Variants in MAST4 observed in about 807,000 individuals in gnomAD.
MAST4 encodes the protein microtubule-associated serine/threonine-protein kinase 4.
Under a neutral mutation model 162.7 loss-of-function variants are expected in MAST4, and 89 were observed. That is an observed-to-expected ratio of 0.55 (90% CI 0.46 to 0.65). The LOEUF (loss-of-function observed/expected upper bound fraction) is 0.65, where lower values mean the gene tolerates loss of function less well. MAST4 is among the 30% of genes least tolerant of loss of function. The probability of loss-of-function intolerance (pLI) is 0.00; values close to 1 mark genes in which losing one functional copy is unlikely to be tolerated. For synonymous variants in MAST4, 1,479 were observed against 1,361.1 expected, an observed-to-expected ratio of 1.09 and a Z score of -1.91; for missense variants, 3,153 against 3,374.0, an observed-to-expected ratio of 0.93 and a Z score of 1.62.
intron 4 of MAST4, 31 bp from the exon 5 acceptor site, chr5:67,054,373 T>C: frequency 1.3e-6 from 2 of 1,557,964 alleles, no homozygotes; most frequent in Non-Finnish European, 1.7e-6. Context: ...TATATTCTTT[T>C]TAAACTTTGT....
chr5:67,160,413 C>T (rs1773051711), intron 26 of MAST4, 43 bp from the exon 27 acceptor site: 1 of 1,577,896 alleles, frequency 6.3e-7, no homozygotes, highest in Non-Finnish European at 8.6e-7. Flanking sequence ...GATCTTGCTT[C>T]ATCACAGCAT....
In MAST4 at chr5:66,614,636, A is replaced by C. The variant is rs192599550; in HGVS notation, c.363+17618A>C. 2.0e-5 allele frequency among the ~76,000 whole-genome samples: 3 copies of C among 152,236 alleles called. No individual in the cohort carries two copies. In the East Asian group the frequency reaches 5.8e-4, roughly 29 times the overall value. ...AGAGAAGACCATTTAAGGGACTTTC[A>C]ATTTTCTCCTTCCCTGGAGAGTAAG... On this transcript the variant is annotated intron_variant, in intron 1 of 28. Transcript: ENST00000403625.
rs1485050017 is a variant in MAST4, at chr5:67,165,992, C to G, written c.6813C>G (p.Pro2271=). The change falls in exon 29 of 29, where the codon CCC becomes CCG. Residue 2271 remains proline, a synonymous_variant. Coordinates refer to ENST00000403625, the MANE Select transcript of MAST4 (RefSeq NM_001164664.2). ...GGATTGGCCAGGGAGAAGGTGGGCC[C>G]TCTGTCCCACTGCACACTGACAGGG... ...SDGIGQGEGG[P]SVPLHTDRAP... is the part of the protein sequence containing the mutation. The G allele has an allele frequency of 6.2e-7, 1 of 1,613,620 alleles. No individual in the cohort carries two copies. The highest frequency in any genetic ancestry group is 8.5e-7 in the Non-Finnish European group (1 of 1,179,864).
intron 4 of MAST4, among the ~76,000 whole-genome samples, chr5:66,965,225 C>CTTTTTTTT (rs1187971815): frequency 5.9e-5 from 5 of 84,898 alleles, no homozygotes; most frequent in Non-Finnish European, 9.4e-5. Context: ...TTTTTTTTTG[C>CTTTTTTTT]TTTTTTTTTT....
intron 4 of MAST4, among the ~76,000 whole-genome samples, chr5:66,950,694 C>G (rs901653883): frequency 6.6e-6 from 1 of 152,120 alleles, no homozygotes; most frequent in African/African-American, 2.4e-5. Context: ...ATCTGTTAAT[C>G]GAAGCCTGGC....
intron 5 of MAST4, among the ~76,000 whole-genome samples, chr5:67,066,262 A>G (rs1486853985): frequency 6.6e-6 from 1 of 152,002 alleles, no homozygotes; most frequent in African/African-American, 2.4e-5. Context: ...TGTCCCCCTT[A>G]AAAGAAACAT....
intron 26 of MAST4, among the ~76,000 whole-genome samples, chr5:67,156,139 A>G (rs1772492897): frequency 6.6e-6 from 1 of 152,148 alleles, no homozygotes; most frequent in South Asian, 2.1e-4. Context: ...ACTCTTGTCA[A>G]TGGTTTTACG....
intron 3 of MAST4, among the ~76,000 whole-genome samples, chr5:66,887,667 A>G (rs956810325): frequency 2.6e-5 from 4 of 152,188 alleles, no homozygotes; most frequent in South Asian, 2.1e-4. Flanking sequence ...ATCTGAAAAA[A>G]TACTGAACAT....
At position 67,077,270 on chromosome 5, in the gene MAST4, A is replaced by T. The variant is rs188773222; in HGVS notation, c.764-12892A>T. ...CTGGAGTCACCTGGGAAGCTTTAAA[A>T]ATGACTGATGATTGCCCTCCACCTC... On this transcript the variant is annotated intron_variant, in intron 5 of 28. Transcript: ENST00000403625. Among the ~76,000 whole-genome samples the T allele has an allele frequency of 1.3e-4, 20 of 152,094 alleles. No homozygotes were observed. The East Asian group carries it at 3.7e-3, about 28-fold the overall frequency.
At chr5:66,711,864 A>G (rs1293845483) in intron 1 of MAST4, among the ~76,000 whole-genome samples, 1 of 152,086 alleles carries the variant, frequency 6.6e-6, no homozygotes, top group East Asian at 1.9e-4. Context: ...GCTTTGGATT[A>G]TATTCAGGGC....
chr5:66,608,886 C>G (rs13354515), intron 1 of MAST4, among the ~76,000 whole-genome samples: 2,146 of 152,152 alleles, frequency 0.014, 45 homozygotes, highest in African/African-American at 0.05. Context: ...TCTTAACTGT[C>G]TGACCTAGGA....
intron 1 of MAST4, among the ~76,000 whole-genome samples, chr5:66,612,319 G>A (rs2149395624): frequency 6.6e-6 from 1 of 152,304 alleles, no homozygotes; most frequent in South Asian, 2.1e-4. Flanking sequence ...TGGAGAGCAA[G>A]GGTATTATCT....
intron 5 of MAST4, among the ~76,000 whole-genome samples, chr5:67,074,677 A>G (rs1761387239): frequency 1.3e-5 from 2 of 152,226 alleles, no homozygotes; most frequent in Admixed American, 6.5e-5. Context: ...ACCTAATTAT[A>G]AAGAGCAGGA....
rs190551775 is a variant in MAST4 at position 66,967,850 on chromosome 5, A to G, written c.674+67868A>G. On this transcript the variant is annotated intron_variant, in intron 4 of 28. Transcript: ENST00000403625. ...ATCTTCAAGACCTTAAGTGGAATTT[A>G]TGTACAACTTTGCTTTCCTCCTTCT... Among the ~76,000 whole-genome samples the G allele has an allele frequency of 1.6e-4, 24 of 152,224 alleles. No individual in the cohort carries two copies. In the East Asian group the frequency reaches 4.6e-3, roughly 29 times the overall value.
intron 4 of MAST4, among the ~76,000 whole-genome samples, chr5:67,033,536 T>A (rs1230508390): frequency 2.0e-5 from 3 of 152,166 alleles, no homozygotes. Context: ...AAGTCATAAA[T>A]GAAGCAGCAG....
chr5:66,726,818 G>T (rs893259532), intron 1 of MAST4, among the ~76,000 whole-genome samples: 3 of 152,096 alleles, frequency 2.0e-5, no homozygotes, highest in African/African-American at 7.2e-5. Flanking sequence ...TCTAGGTTGT[G>T]TGCTCCTTAT....
Position 66,917,153 on chromosome 5 carries a change from T to C in MAST4, c.674+17171T>C, listed in dbSNP as rs1427927727. On this transcript the variant is annotated intron_variant, in intron 4 of 28. Transcript: ENST00000403625. The stretch of plus-strand genomic sequence containing the variant: ...CTGCCCTTAATTCTTTCCAATCTTA[T>C]TACCCCTGGTCATTACTTTAAATTG... 9.8e-6 allele frequency: 6 copies of C among 615,032 alleles called. No homozygotes were observed. In the South Asian group the frequency reaches 1.3e-4, roughly 13 times the overall value. The allele number at this position is 615,032 out of a possible 1,614,324, so 38.1% of individuals were successfully genotyped here. A position where few individuals can be genotyped will look rare whatever the true frequency, so the allele number is the denominator to read the frequency against.
chr5:66,655,127 TG>T (rs1746464738), intron 1 of MAST4, among the ~76,000 whole-genome samples: 1 of 152,186 alleles, frequency 6.6e-6, no homozygotes, highest in Non-Finnish European at 1.5e-5. Flanking sequence ...TTTTAGCTCC[TG>T]TGATCAGCTC....
At chr5:66,855,500 A>G (rs949452383) in intron 3 of MAST4, among the ~76,000 whole-genome samples, 8 of 152,194 alleles carry the variant, frequency 5.3e-5, no homozygotes, top group Non-Finnish European at 4.4e-5. Context: ...TGCTCGCTTC[A>G]TTTGTGTTCT....
Sources: gnomAD v4.1 joint callset for allele counts (sites outside exome capture counted in the v4.1 genomes callset) on GRCh38, gnomAD v4.1.1 for gene constraint, MANE v1.5 for transcripts, NCBI Gene and HGNC (gene_info 2026-07-23, HGNC 2026-07-21) for gene names.